Variants in SLC22A23 observed in about 807,000 individuals in gnomAD.
SLC22A23 encodes ion transporter protein.
A neutral mutation model predicts 61.0 loss-of-function variants in SLC22A23; 26 were observed. The observed-to-expected ratio is 0.43, with a 90% CI of 0.31 to 0.59. SLC22A23 has a LOEUF of 0.59. SLC22A23 is among the 20% of genes least tolerant of loss of function. SLC22A23 has a pLI of 0.11. For synonymous variants in SLC22A23, 430 were observed against 413.9 expected (o/e 1.04, Z -0.47); for missense variants, 796 against 934.7 (o/e 0.85, Z 1.94).
chr6:3,334,244 C>G (rs1324739018), intron 3 of SLC22A23, among the ~76,000 whole-genome samples: 2 of 152,192 alleles, frequency 1.3e-5, no homozygotes, highest in East Asian at 3.8e-4. Context: ...TCATTGCAAC[C>G]TCCACTTACT....
At chr6:3,299,117 CTA>C (rs1157503036) in intron 4 of SLC22A23, among the ~76,000 whole-genome samples, 6 of 152,010 alleles carry the variant, frequency 3.9e-5, no homozygotes, top group African/African-American at 1.2e-4. Context: ...TGTACGATTA[CTA>C]TGTGTCAATT....
intron 3 of SLC22A23, among the ~76,000 whole-genome samples, chr6:3,366,171 A>C (rs1212253647): frequency 1.3e-5 from 2 of 151,888 alleles, no homozygotes; most frequent in East Asian, 3.9e-4. Flanking sequence ...TCTACTAAAA[A>C]TACAAAAAAA....
intron 4 of SLC22A23, chr6:3,323,297 A>G: frequency 4.4e-6 from 2 of 456,576 alleles, no homozygotes; most frequent in South Asian, 3.1e-5. Context: ...GTGAATAGCC[A>G]GAAAGCAGCC....
chr6:3,297,530 T>C lies in SLC22A23; in HGVS notation c.1210+561A>G, dbSNP rs1409182610. Among the ~76,000 whole-genome samples, 2 of 152,134 alleles carry C rather than the reference T, an allele frequency of 1.3e-5. No homozygotes were observed. The highest frequency in any genetic ancestry group is 4.8e-5 in the African/African-American group (2 of 41,430). On this transcript the variant is annotated intron_variant, in intron 5 of 9. Transcript: ENST00000406686. The surrounding 1 kb of genome is among the most constrained non-coding windows in gnomAD (Gnocchi z 4.3). Reference sequence around the variant, plus strand: ...CCCAGGAATCTGGATTTTAACAACCTCCTGGTGATACGTGGATCCCCAGGT... The same window carrying C: ...CCCAGGAATCTGGATTTTAACAACCCCCTGGTGATACGTGGATCCCCAGGT...
At chr6:3,361,516 G>A (rs79097418) in intron 3 of SLC22A23, among the ~76,000 whole-genome samples, 2,298 of 152,232 alleles carry the variant, frequency 0.015, 68 homozygotes, top group African/African-American at 0.053. Flanking sequence ...CCAGGAGAAC[G>A]GCGACCTGCC....
At position 3,285,145 on chromosome 6, in the gene SLC22A23, C is replaced by A. The variant is rs747332633; in HGVS notation, c.1547-34G>T. The A allele has an allele frequency of 5.0e-6, 8 of 1,612,658 alleles. No homozygotes were observed. The South Asian group carries it at 8.8e-5, about 18-fold the overall frequency. On this transcript the variant is annotated intron_variant, in intron 7 of 9. Coordinates refer to ENST00000406686, the MANE Select transcript of SLC22A23 (RefSeq NM_015482.2). ...GCAGACATGATCGCACCCACACGGA[C>A]AAGGGCCAAGCAAGCGAGAAGAGAG...
intron 1 of SLC22A23, among the ~76,000 whole-genome samples, chr6:3,455,387 A>T (rs1772345706): frequency 6.6e-6 from 1 of 152,254 alleles, no homozygotes; most frequent in African/African-American, 2.4e-5. Context: ...GCCTAAAGTC[A>T]GATATCTTTG....
At chr6:3,409,140 A>G (rs979551983) in intron 3 of SLC22A23, among the ~76,000 whole-genome samples, 1 of 152,264 alleles carries the variant, frequency 6.6e-6, no homozygotes, top group Non-Finnish European at 1.5e-5. Flanking sequence ...GAACTTCCCA[A>G]GAGACAAGGG....
intron 1 of SLC22A23, among the ~76,000 whole-genome samples, chr6:3,441,931 G>A (rs1771624656): frequency 6.6e-6 from 1 of 152,200 alleles, no homozygotes; most frequent in South Asian, 2.1e-4. Flanking sequence ...GGGCACGGGA[G>A]GGATGGAGGG....
intron 1 of SLC22A23, among the ~76,000 whole-genome samples, chr6:3,451,822 G>A (rs758404678): frequency 2.6e-5 from 4 of 152,270 alleles, no homozygotes; most frequent in South Asian, 2.1e-4. Context: ...GATGGTCCCC[G>A]GCTTAAAACG....
chr6:3,400,114 G>C (rs749094010), intron 3 of SLC22A23, among the ~76,000 whole-genome samples: 56 of 152,322 alleles, frequency 3.7e-4, no homozygotes, highest in Non-Finnish European at 6.8e-4. Flanking sequence ...CTGACCTCAA[G>C]TGATCCACCC....
intron 3 of SLC22A23, among the ~76,000 whole-genome samples, chr6:3,383,477 C>T (rs1361660618): frequency 6.6e-6 from 1 of 152,210 alleles, no homozygotes; most frequent in East Asian, 1.9e-4. Flanking sequence ...TATATCTACT[C>T]CGTGGTTAAA....
chr6:3,332,891 T>C (rs1763655284), intron 3 of SLC22A23, among the ~76,000 whole-genome samples: 1 of 152,146 alleles, frequency 6.6e-6, no homozygotes, highest in South Asian at 2.1e-4. Context: ...AAACCGCTGG[T>C]TTTATGTGAC....
At chr6:3,287,125 T>C (rs1760090439) in intron 6 of SLC22A23, 34 bp from the exon 7 acceptor site, 1 of 1,598,068 alleles carries the variant, frequency 6.3e-7, no homozygotes, top group African/African-American at 1.3e-5. Flanking sequence ...GTGGGTGGGC[T>C]GCCCCCATGC....
intron 1 of SLC22A23, among the ~76,000 whole-genome samples, chr6:3,421,813 G>A (rs1286754384): frequency 3.3e-5 from 5 of 152,120 alleles, no homozygotes; most frequent in Admixed American, 6.5e-5. Flanking sequence ...TCGCCTTCTC[G>A]GAAACACGTA....
At chr6:3,413,472 G>A (rs965912651) in intron 2 of SLC22A23, among the ~76,000 whole-genome samples, 1 of 152,258 alleles carries the variant, frequency 6.6e-6, no homozygotes, top group East Asian at 1.9e-4. Context: ...GGGGAAGGGG[G>A]CAGAGGGCTG....
At chr6:3,443,286 C>T (rs2127553207) in intron 1 of SLC22A23, among the ~76,000 whole-genome samples, 2 of 152,282 alleles carry the variant, frequency 1.3e-5, no homozygotes, top group Middle Eastern at 6.8e-3. Flanking sequence ...AATTATGTAG[C>T]TGGCCCTGAC....
intron 4 of SLC22A23, among the ~76,000 whole-genome samples, chr6:3,305,221 A>G (rs1224083193): frequency 6.6e-6 from 1 of 152,152 alleles, no homozygotes; most frequent in Non-Finnish European, 1.5e-5. Flanking sequence ...GTTCAAGTAC[A>G]TTGCCCAGGA....
Position 3,322,354 on chromosome 6 carries a change from A to C in SLC22A23, c.1082+1480T>G, listed in dbSNP as rs555326592. ...CTGCCACAAGGGAGGGGGCAGAAAG[A>C]CTTCCTTAGGAGATAGAAGGAAGAG... On this transcript the variant is annotated intron_variant, in intron 4 of 9. Coordinates refer to ENST00000406686, the MANE Select transcript of SLC22A23 (RefSeq NM_015482.2). The surrounding 1 kb of genome is among the most constrained non-coding windows in gnomAD (Gnocchi z 4.1). 8.7e-4 allele frequency among the ~76,000 whole-genome samples: 132 copies of C among 152,336 alleles called. 3 individuals are homozygous for C. In the South Asian group the frequency reaches 0.022, roughly 26 times the overall value.
Sources: allele counts gnomAD v4.1 joint callset (sites outside exome capture counted in the v4.1 genomes callset), GRCh38; gene constraint gnomAD v4.1.1; non-coding constraint Gnocchi (gnomAD v3.1); transcripts MANE v1.5; gene names NCBI Gene and HGNC (gene_info 2026-07-23, HGNC 2026-07-21).